MARK3: variants seen among roughly 807,000 people sequenced by gnomAD.
The protein encoded by MARK3 is MAP/microtubule affinity-regulating kinase 3.
In MARK3, 46 loss-of-function variants were observed where a neutral mutation model predicts 90.1. The ratio of observed to expected loss-of-function variants is 0.51; its 90% CI spans 0.40 to 0.65. The LOEUF is 0.65. Among genes scored for constraint, MARK3 ranks in the 30% least tolerant of loss-of-function variants. MARK3 has a pLI of 0.00. For missense variants in MARK3, 818 were observed against 947.2 expected, an observed-to-expected ratio of 0.86 and a Z score of 1.79; for synonymous variants, 321 against 332.6, an observed-to-expected ratio of 0.97 and a Z score of 0.38.
intron 13 of MARK3, among the ~76,000 whole-genome samples, chr14:103,480,120 A>C (rs1235273313): frequency 6.6e-6 from 1 of 151,992 alleles, no homozygotes; most frequent in Non-Finnish European, 1.5e-5. Context: ...ACTGCATCTC[A>C]AAAAAGAAAA....
intron 15 of MARK3, among the ~76,000 whole-genome samples, 167 bp downstream of exon 15, chr14:103,492,201 T>C (rs778306534): frequency 4.6e-5 from 7 of 152,210 alleles, no homozygotes; most frequent in African/African-American, 7.2e-5. Context: ...ACCTTTAAAG[T>C]AGAAATTGTA....
At chr14:103,410,405 G>T (rs2091561684) in intron 2 of MARK3, among the ~76,000 whole-genome samples, 1 of 152,230 alleles carries the variant, frequency 6.6e-6, no homozygotes, top group Non-Finnish European at 1.5e-5. Flanking sequence ...ATGAGTTTGG[G>T]AGGGGACATT....
At chr14:103,498,364 G>T (rs1489050092) in intron 15 of MARK3, 138 bp from the exon 16 acceptor site, 1 of 505,468 alleles carries the variant, frequency 2.0e-6, no homozygotes, top group Non-Finnish European at 3.2e-6. Context: ...ACAAATGTCA[G>T]CATTTCTTTG....
chr14:103,389,899 A>G (rs946100892), intron 1 of MARK3, among the ~76,000 whole-genome samples: 1 of 138,828 alleles, frequency 7.2e-6, no homozygotes, highest in African/African-American at 2.8e-5. Flanking sequence ...AGCTGAGATC[A>G]AGCCATTGCC....
intron 15 of MARK3, among the ~76,000 whole-genome samples, chr14:103,493,116 C>G (rs927936776): frequency 1.3e-5 from 2 of 152,108 alleles, no homozygotes; most frequent in Middle Eastern, 3.2e-3. Context: ...CTTCATTTCA[C>G]TCCATCTCCA....
In MARK3 at chr14:103,405,174, A is replaced by G. The variant is rs750895691; in HGVS notation, c.150A>G (p.Gln50=). The change falls in exon 2 of 18, where the codon CAA becomes CAG. Residue 50 remains glutamine, a synonymous_variant. Transcript: ENST00000429436. ...RNSIASCADE[Q]PHIGNYRLLK... Reference sequence around the variant, plus strand: ...CTATAGCCTCCTGTGCAGATGAACAACCTCACATCGGAAACTACAGACTGT... The same window carrying G: ...CTATAGCCTCCTGTGCAGATGAACAGCCTCACATCGGAAACTACAGACTGT... The G allele has an allele frequency of 1.6e-5, 26 of 1,599,764 alleles. No individual in the cohort carries two copies. The Middle Eastern group carries it at 8.3e-4, about 51-fold the overall frequency.
At chr14:103,432,831 G>T (rs1359192678) in intron 3 of MARK3, among the ~76,000 whole-genome samples, 1 of 152,122 alleles carries the variant, frequency 6.6e-6, no homozygotes, top group Non-Finnish European at 1.5e-5. Context: ...ATTCCAGCCT[G>T]GGCAACAGAG....
chr14:103,395,964 T>G (rs1025677628), intron 1 of MARK3, among the ~76,000 whole-genome samples: 1 of 152,186 alleles, frequency 6.6e-6, no homozygotes, highest in African/African-American at 2.4e-5. Context: ...TTTAGTCTTA[T>G]CACTTGGCCT....
intron 2 of MARK3, among the ~76,000 whole-genome samples, chr14:103,412,936 G>C (rs146947849): frequency 1.3e-5 from 2 of 150,486 alleles, no homozygotes; most frequent in Non-Finnish European, 3.0e-5. Flanking sequence ...GTGCAGTGGC[G>C]TGATCTCAGC....
In MARK3 at chr14:103,437,393, C is replaced by CA. The variant is rs577184676; in HGVS notation, c.297+8965dup. Among the ~76,000 whole-genome samples, 168 of 138,982 alleles carry CA rather than the reference C, an allele frequency of 1.2e-3. 1 individual carries two copies. Among genetic ancestry groups the CA allele is most frequent in the South Asian group, 2.5e-3 (11 of 4,398 alleles). 91.2% of individuals were successfully genotyped at this position (138,982 alleles called of 152,430 possible). On this transcript the variant is annotated intron_variant, in intron 3 of 17. Transcript: ENST00000429436. Reference sequence around the variant, plus strand: ...TGGGCGACAGAGTGAGACTCCGTCTCAAAAAAAAAAAATACATTATAAACT... The same window carrying CA: ...TGGGCGACAGAGTGAGACTCCGTCTCAAAAAAAAAAAAATACATTATAAACT...
chr14:103,407,402 G>A (rs931043338), intron 2 of MARK3, among the ~76,000 whole-genome samples: 2 of 151,946 alleles, frequency 1.3e-5, no homozygotes, highest in African/African-American at 4.8e-5. Flanking sequence ...TGTTTAATCG[G>A]TTATTGTGTA....
At chr14:103,410,304 A>G (rs1224902550) in intron 2 of MARK3, among the ~76,000 whole-genome samples, 1 of 152,156 alleles carries the variant, frequency 6.6e-6, no homozygotes, top group African/African-American at 2.4e-5. Context: ...GAGGAGGAGA[A>G]AGGAAGAAAA....
At chr14:103,409,526 T>A (rs1393835223) in intron 2 of MARK3, among the ~76,000 whole-genome samples, 2 of 150,762 alleles carry the variant, frequency 1.3e-5, no homozygotes, top group Non-Finnish European at 2.9e-5. Flanking sequence ...ATTGTAGATA[T>A]GACATATAAA....
intron 12 of MARK3, among the ~76,000 whole-genome samples, chr14:103,470,524 C>T (rs1326012782): frequency 8.4e-6 from 1 of 119,614 alleles, no homozygotes; most frequent in African/African-American, 3.0e-5. Flanking sequence ...AGCGCGATCT[C>T]GGCTCACTGC....
intron 3 of MARK3, among the ~76,000 whole-genome samples, chr14:103,444,500 T>C (rs796830854): frequency 4.6e-5 from 7 of 152,302 alleles, no homozygotes; most frequent in African/African-American, 1.4e-4. Flanking sequence ...AGAAATAGGC[T>C]GGGCGCGGTG....
chr14:103,391,249 G>A (rs758483378), intron 1 of MARK3, among the ~76,000 whole-genome samples: 1 of 152,172 alleles, frequency 6.6e-6, no homozygotes, highest in East Asian at 1.9e-4. Context: ...AATGTCAGTA[G>A]TGCCAGCGTT....
intron 11 of MARK3, 104 bp downstream of exon 11, chr14:103,467,295 A>G: frequency 1.8e-6 from 1 of 555,520 alleles, no homozygotes; most frequent in South Asian, 2.6e-5. Flanking sequence ...CATTTGATAC[A>G]TCATTTTTTA....
At chr14:103,490,870 G>A (rs2094004508) in intron 14 of MARK3, 6 of 848,224 alleles carry the variant, frequency 7.1e-6, no homozygotes, top group South Asian at 2.8e-5. Context: ...AGGAAGGTGT[G>A]TGCATTACAC....
intron 15 of MARK3, among the ~76,000 whole-genome samples, chr14:103,494,761 C>T (rs766458627): frequency 6.6e-6 from 1 of 151,960 alleles, no homozygotes; most frequent in Non-Finnish European, 1.5e-5. Context: ...TTCAGCCTCC[C>T]GAGTGGCTGG....
Sources: allele counts gnomAD v4.1 joint callset (sites outside exome capture counted in the v4.1 genomes callset), GRCh38; gene constraint gnomAD v4.1.1; transcripts MANE v1.5; gene names NCBI Gene and HGNC (gene_info 2026-07-23, HGNC 2026-07-21).